Variants in SRGAP3 observed in about 807,000 individuals in gnomAD.
SRGAP3 encodes the protein SLIT-ROBO Rho GTPase activating protein 3.
Under a neutral mutation model 121.1 loss-of-function variants are expected in SRGAP3, and 39 were observed. The observed-to-expected ratio is 0.32, with a 90% confidence interval of 0.25 to 0.42. The LOEUF is 0.42. SRGAP3 is among the 10% of genes least tolerant of loss of function. SRGAP3 has a pLI of 1.00. For missense variants in SRGAP3, 1,213 were observed against 1,470.6 expected (o/e 0.82, Z 2.86); for synonymous variants, 601 against 570.0 (o/e 1.05, Z -0.77).
intron 18 of SRGAP3, chr3:9,008,179 G>C (rs1249950422): frequency 6.6e-6 from 1 of 152,398 alleles, no homozygotes; most frequent in Non-Finnish European, 1.5e-5. Context: ...CCTTTACCCT[G>C]AGAAGTGGGA....
intron 1 of SRGAP3, among the ~76,000 whole-genome samples, chr3:9,167,344 C>T (rs1014933555): frequency 2.0e-5 from 3 of 152,214 alleles, no homozygotes; most frequent in African/African-American, 7.2e-5. Flanking sequence ...TTCACTCTCT[C>T]TCTCATTCTC....
chr3:9,279,805 A>T (rs915249776), intron 3 of SRGAP3, among the ~76,000 whole-genome samples: 3 of 152,054 alleles, frequency 2.0e-5, no homozygotes, highest in Admixed American at 6.6e-5. Context: ...GAGCCACTGC[A>T]CCCGACCACA....
At position 8,983,946 on chromosome 3, in the gene SRGAP3, C is replaced by T. The variant is rs866795646; in HGVS notation, c.*1573G>A. On this transcript the variant is annotated 3_prime_UTR_variant, in exon 22 of 22. Coordinates refer to ENST00000383836, the MANE Select transcript of SRGAP3 (RefSeq NM_014850.4). ...ACAGTAGGGAAAAGCCCCTGGGTCTCGCAGGAGAGGGTAAGTAACAGCGGC... is the reference window on the plus strand; with the variant it reads ...ACAGTAGGGAAAAGCCCCTGGGTCTTGCAGGAGAGGGTAAGTAACAGCGGC... 3 of 229,632 alleles carry T rather than the reference C, an allele frequency of 1.3e-5. No homozygotes were observed. The highest frequency in any genetic ancestry group is 3.6e-4 in the South Asian group (2 of 5,484). 14.2% of individuals were successfully genotyped at this position (229,632 alleles called of 1,614,324 possible).
Position 9,308,393 on chromosome 3 carries a change from A to C in SRGAP3, n.442+17617T>G, listed in dbSNP as rs1198158216. Among the ~76,000 whole-genome samples, 5 of 152,180 alleles carry C rather than the reference A, an allele frequency of 3.3e-5. No individual in the cohort carries two copies. The East Asian group carries it at 9.6e-4, about 29-fold the overall frequency. Reference sequence around the variant, plus strand: ...AAGTTTTCACTTTGAAAAACAAAATAATCAGAAGGGCACTGAAATGACTCC... The same window carrying C: ...AAGTTTTCACTTTGAAAAACAAAATCATCAGAAGGGCACTGAAATGACTCC... On this transcript the variant is annotated intron_variant and non_coding_transcript_variant, in intron 3 of 3. Coordinates refer to the SRGAP3 transcript ENST00000490889.
intron 3 of SRGAP3, among the ~76,000 whole-genome samples, chr3:9,264,169 AC>A: frequency 6.6e-6 from 1 of 152,026 alleles, no homozygotes. Flanking sequence ...AAAATTCAAC[AC>A]CCCTTCATGC....
intron 3 of SRGAP3, among the ~76,000 whole-genome samples, chr3:9,295,149 C>G: frequency 6.6e-6 from 1 of 152,150 alleles, no homozygotes; most frequent in South Asian, 2.1e-4. Flanking sequence ...ATGGCCTTCC[C>G]CATCACTCAT....
chr3:9,160,744 G>A (rs555547222), intron 1 of SRGAP3, among the ~76,000 whole-genome samples: 22 of 152,198 alleles, frequency 1.4e-4, no homozygotes, highest in African/African-American at 5.1e-4. Flanking sequence ...ATACGTAAAG[G>A]GTTAATAGAG....
chr3:9,171,749 G>T (rs945448808), intron 1 of SRGAP3, among the ~76,000 whole-genome samples: 1 of 152,182 alleles, frequency 6.6e-6, no homozygotes, highest in African/African-American at 2.4e-5. Context: ...GAGAGGCTCT[G>T]ATGGGATCCA....
At chr3:9,168,159 G>A (rs1040408580) in intron 1 of SRGAP3, among the ~76,000 whole-genome samples, 3 of 152,210 alleles carry the variant, frequency 2.0e-5, no homozygotes, top group African/African-American at 7.2e-5. Flanking sequence ...GGAGTGCAAC[G>A]AAGTCAGAAG....
intron 18 of SRGAP3, chr3:9,007,114 A>T (rs1434902275): frequency 1.3e-5 from 2 of 151,882 alleles, no homozygotes; most frequent in Non-Finnish European, 2.9e-5. Flanking sequence ...GGCATATGCC[A>T]CCATGCCTGG....
At chr3:9,188,325 G>A (rs932122012) in intron 1 of SRGAP3, among the ~76,000 whole-genome samples, 1 of 152,190 alleles carries the variant, frequency 6.6e-6, no homozygotes, top group Non-Finnish European at 1.5e-5. Context: ...ATTAGAAGCA[G>A]GTAATTAGTG....
rs1952704334 is a variant in SRGAP3, at chr3:9,218,494, G to A, written c.67+30391C>T. Reference sequence around the variant, plus strand: ...TCCTGCTGACCCTGACACAGCCTCAGAATACTTCTCAACACAGACCGCCAG... The same window carrying A: ...TCCTGCTGACCCTGACACAGCCTCAAAATACTTCTCAACACAGACCGCCAG... On this transcript the variant is annotated intron_variant, in intron 1 of 21. Coordinates refer to ENST00000383836, the MANE Select transcript of SRGAP3 (RefSeq NM_014850.4). This position sits in a 1 kb window ranked among gnomAD's most constrained non-coding sequence, Gnocchi z 5.3. 2 of 152,198 alleles carry A rather than the reference G, an allele frequency of 1.3e-5. No homozygotes were observed. Among genetic ancestry groups the A allele is most frequent in the Admixed American group, 1.3e-4 (2 of 15,268 alleles). The allele number at this position is 152,198 out of a possible 1,614,324, so 9.4% of individuals were successfully genotyped here.
chr3:9,236,682 T>C (rs878883105), intron 1 of SRGAP3, among the ~76,000 whole-genome samples: 1 of 151,934 alleles, frequency 6.6e-6, no homozygotes, highest in Non-Finnish European at 1.5e-5. Flanking sequence ...AGAACCCAAG[T>C]AGATGTCAGC....
At chr3:9,051,598 G>A (rs909920803) in intron 9 of SRGAP3, among the ~76,000 whole-genome samples, 111 of 151,928 alleles carry the variant, frequency 7.3e-4, no homozygotes, top group African/African-American at 2.6e-3. Flanking sequence ...AGGGAAGACA[G>A]CTATAACTGA....
chr3:9,076,368 A>G (rs1418200966), intron 4 of SRGAP3, among the ~76,000 whole-genome samples: 1 of 152,194 alleles, frequency 6.6e-6, no homozygotes, highest in African/African-American at 2.4e-5. Context: ...TAATATATAT[A>G]AAATACCTAA....
At chr3:9,021,546 T>A (rs1943922036) in intron 14 of SRGAP3, among the ~76,000 whole-genome samples, 2 of 151,682 alleles carry the variant, frequency 1.3e-5, no homozygotes, top group Non-Finnish European at 2.9e-5. Context: ...TTGACTCATA[T>A]GAGAAGGAAA....
At chr3:9,346,859 A>G (rs1163943009) in intron 1 of SRGAP3, among the ~76,000 whole-genome samples, 1 of 149,072 alleles carries the variant, frequency 6.7e-6, no homozygotes, top group Non-Finnish European at 1.5e-5. Context: ...GGGTTCAAGC[A>G]ATTCTCCTGC....
rs922363041 is a variant in SRGAP3, at chr3:9,222,734, C to T, written c.67+26151G>A. Reference sequence around the variant, plus strand: ...ACAAATATCATGGTCGCACTGATACCAACTTGTACATAAATGCCCACGTGC... The same window carrying T: ...ACAAATATCATGGTCGCACTGATACTAACTTGTACATAAATGCCCACGTGC... On this transcript the variant is annotated intron_variant, in intron 1 of 21. Transcript: ENST00000383836. Among the ~76,000 whole-genome samples the T allele has an allele frequency of 1.2e-4, 19 of 152,168 alleles. 1 individual carries two copies. The highest frequency in any genetic ancestry group is 6.5e-4 in the Admixed American group (10 of 15,282).
intron 9 of SRGAP3, among the ~76,000 whole-genome samples, chr3:9,052,358 G>A (rs1014830485): frequency 6.6e-6 from 1 of 152,208 alleles, no homozygotes; most frequent in Non-Finnish European, 1.5e-5. Flanking sequence ...CAAAAGGGCT[G>A]TCTGGGGAAA....
Sources: allele counts gnomAD v4.1 joint callset (sites outside exome capture counted in the v4.1 genomes callset), GRCh38; gene constraint gnomAD v4.1.1; non-coding constraint Gnocchi (gnomAD v3.1); transcripts MANE v1.5; gene names NCBI Gene and HGNC (gene_info 2026-07-23, HGNC 2026-07-21).